The following ALDH5A1 variants were observed in gnomAD, a reference collection of about 807,000 sequenced individuals.
ALDH5A1 encodes the protein succinate-semialdehyde dehydrogenase, mitochondrial.
ALDH5A1 carries 33 observed loss-of-function variants against 54.7 expected under a neutral mutation model. The observed-to-expected ratio is 0.60, with a 90% CI of 0.46 to 0.81. The LOEUF is 0.81. ALDH5A1 is among the 30% of genes least tolerant of loss of function. ALDH5A1 has a pLI of 0.00. For missense variants in ALDH5A1, 657 were observed against 711.0 expected (o/e 0.92, Z 0.86); for synonymous variants, 294 against 292.7 (o/e 1.00, Z -0.05).
chr6:24,503,486 G>A, intron 3 of ALDH5A1, 53 bp downstream of exon 3: 3 of 1,592,702 alleles, frequency 1.9e-6, no homozygotes, highest in Non-Finnish European at 2.6e-6. Flanking sequence ...TAGGGAGTTG[G>A]GAAACAATTC....
chr6:24,517,286 G>T (rs551192012), intron 5 of ALDH5A1, among the ~76,000 whole-genome samples: 1 of 152,322 alleles, frequency 6.6e-6, no homozygotes, highest in African/African-American at 2.4e-5. Context: ...GATTATAGGT[G>T]TGAGCCAGCG....
rs70974913 is a variant in ALDH5A1 at position 24,506,243 on chromosome 6, C to CTTTTT, written c.726+1284_726+1288dup. Among the ~76,000 whole-genome samples the CTTTTT allele has an allele frequency of 5.0e-4, 26 of 52,162 alleles. 5 individuals are homozygous for CTTTTT. Among genetic ancestry groups the CTTTTT allele is most frequent in the South Asian group, 3.2e-3 (3 of 924 alleles). The allele number at this position is 52,162 out of a possible 152,430, so 34.2% of individuals were successfully genotyped here. A position where few individuals can be genotyped will look rare whatever the true frequency, so the allele number is the denominator to read the frequency against. On this transcript the variant is annotated intron_variant, in intron 4 of 9. Transcript: ENST00000357578. ...TCTGCACCTCCTTCTTTCCTGGTTCCTTTTTTTTTTTTTTTTTTTTTTTTT... is the reference window on the plus strand; with the variant it reads ...TCTGCACCTCCTTCTTTCCTGGTTCCTTTTTTTTTTTTTTTTTTTTTTTTTTTTTT...
rs576225173 is a variant in ALDH5A1, at chr6:24,502,605, G to C, written c.437G>C (p.Ser146Thr). The C allele has an allele frequency of 6.2e-7, 1 of 1,611,842 alleles. No homozygotes were observed. Among genetic ancestry groups the C allele is most frequent in the Non-Finnish European group, 8.5e-7 (1 of 1,177,998 alleles). ...DDLARIITAE[S>T]GKPLKEAHGE... is the part of the protein sequence containing the mutation. ...CTTGCCAGAATAATCACAGCTGAAA[G>C]TGTAAGTTCAGGGTTCTGGCTTGGT... Residue 146 changes from serine to threonine, a missense_variant and splice_region_variant, in exon 2 of 10, where the codon AGT becomes ACT. Ser to Thr is a moderately conservative substitution (Grantham distance 58, BLOSUM62 1). This residue lies in a region of ALDH5A1 where 425 missense variants were observed against 516.4 expected (regional missense o/e 0.82). Transcript: ENST00000357578.
At chr6:24,512,913 C>A (rs1759484859) in intron 4 of ALDH5A1, among the ~76,000 whole-genome samples, 1 of 152,100 alleles carries the variant, frequency 6.6e-6, no homozygotes, top group African/African-American at 2.4e-5. Context: ...TGGTCTGGAA[C>A]TCCTCACCTC....
At chr6:24,497,821 G>T (rs1764744164) in intron 1 of ALDH5A1, among the ~76,000 whole-genome samples, 1 of 152,172 alleles carries the variant, frequency 6.6e-6, no homozygotes, top group South Asian at 2.1e-4. Flanking sequence ...TAAAGAGGGG[G>T]CTGTGTCAGG....
chr6:24,502,976 C>T lies in ALDH5A1; in HGVS notation c.439-287C>T, dbSNP rs60623462. On this transcript the variant is annotated intron_variant, in intron 2 of 9. Coordinates refer to ENST00000357578, the MANE Select transcript of ALDH5A1 (RefSeq NM_001080.3). ...CTTCCATAGATATAATAAATTATTTCATATCGTGGTTACAATACTTAGAAG... is the reference window on the plus strand; with the variant it reads ...CTTCCATAGATATAATAAATTATTTTATATCGTGGTTACAATACTTAGAAG... Among the ~76,000 whole-genome samples the T allele has an allele frequency of 8.7e-3, 1,321 of 151,066 alleles. 18 individuals are homozygous for T. Among genetic ancestry groups the T allele is most frequent in the African/African-American group, 0.03 (1,233 of 41,102 alleles).
intron 2 of ALDH5A1, 40 bp downstream of exon 2, chr6:24,502,646 C>T (rs1309140774): frequency 1.3e-6 from 2 of 1,530,390 alleles, no homozygotes; most frequent in Non-Finnish European, 1.8e-6. Context: ...GAGAAATTCT[C>T]CAGGAATTTT....
intron 7 of ALDH5A1, among the ~76,000 whole-genome samples, chr6:24,526,627 C>CA (rs975410556): frequency 8.2e-4 from 121 of 146,946 alleles, no homozygotes; most frequent in Middle Eastern, 3.5e-3. Flanking sequence ...AATAGAAATG[C>CA]AAAAAAAAAT....
Position 24,534,001 on chromosome 6 carries a change from C to T in ALDH5A1, c.*289C>T. ...AGCCCCAGCTGCCTCAGAGCAGGCA[C>T]AGCACAAGGCAGGCCCAGCCCCATG... On this transcript the variant is annotated 3_prime_UTR_variant, in exon 10 of 10. Coordinates refer to ENST00000357578, the MANE Select transcript of ALDH5A1 (RefSeq NM_001080.3). The T allele has an allele frequency of 5.1e-6, 2 of 390,202 alleles. No homozygotes were observed. The highest frequency in any genetic ancestry group is 9.7e-6 in the Non-Finnish European group (2 of 206,732). The allele number at this position is 390,202 out of a possible 1,614,324, so 24.2% of individuals were successfully genotyped here.
At chr6:24,523,822 A>G (rs1759749643) in intron 7 of ALDH5A1, among the ~76,000 whole-genome samples, 1 of 152,134 alleles carries the variant, frequency 6.6e-6, no homozygotes, top group Admixed American at 6.5e-5. Context: ...ATTTAGAGAT[A>G]TTGAGGGGAA....
In ALDH5A1 at chr6:24,502,541, C is replaced by T. The variant is rs201082048; in HGVS notation, c.373C>T (p.Arg125Trp). ...VSAKERSSLL[R>W]KWYNLMIQNK... ...TTTGCAGGAGAGGAGTTCATTACTT[C>T]GGAAGTGGTACAATTTAATGATACA... The change falls in exon 2 of 10, where the codon CGG (arginine) becomes TGG (tryptophan). Residue 125 changes from arginine (R) to tryptophan (W), a missense_variant. Physicochemically the swap from Arg to Trp is moderately radical, Grantham distance 101. Coordinates refer to ENST00000357578, the MANE Select transcript of ALDH5A1 (RefSeq NM_001080.3). 13 of 1,612,554 alleles carry T rather than the reference C, an allele frequency of 8.1e-6. No homozygotes were observed. The highest frequency in any genetic ancestry group is 2.2e-5 in the South Asian group (2 of 91,052).
rs745791514 is a variant in ALDH5A1 at position 24,532,132 on chromosome 6, G to C, written c.1357G>C (p.Glu453Gln). 6.8e-6 allele frequency: 11 copies of C among 1,614,182 alleles called. No individual in the cohort carries two copies. The highest frequency in any genetic ancestry group is 8.5e-6 in the Non-Finnish European group (10 of 1,180,012). ...TAACTTTGGCAGGTTCGATACAGAG[G>C]AGGAGGCTATAGCAATCGCTAACGC... ...LAPVIKFDTEEEAIAIANAAD... is the reference protein window; with the variant it reads ...LAPVIKFDTEQEAIAIANAAD... The change falls in exon 9 of 10, where the codon GAG becomes CAG. Residue 453 changes from glutamate to glutamine, a missense_variant. Glu to Gln is a conservative substitution (Grantham distance 29, BLOSUM62 2). Coordinates refer to ENST00000357578, the MANE Select transcript of ALDH5A1 (RefSeq NM_001080.3).
intron 8 of ALDH5A1, among the ~76,000 whole-genome samples, chr6:24,530,706 G>A (rs2267539): frequency 0.28 from 43,169 of 152,190 alleles, 7,986 homozygotes; most frequent in African/African-American, 0.53. Context: ...AATAGGTTGG[G>A]GAGAAGAGGC....
intron 1 of ALDH5A1, among the ~76,000 whole-genome samples, chr6:24,495,664 T>C (rs1764687798): frequency 6.6e-6 from 1 of 150,814 alleles, no homozygotes; most frequent in Non-Finnish European, 1.5e-5. Flanking sequence ...AGCCTAACCG[T>C]GGAGGGGCGG....
At chr6:24,525,532 TAA>T (rs61178893) in intron 7 of ALDH5A1, among the ~76,000 whole-genome samples, 24 of 124,618 alleles carry the variant, frequency 1.9e-4, no homozygotes, top group Admixed American at 2.5e-4. Context: ...ACCCTATCTC[TAA>T]AAAAAAAAAA....
At chr6:24,501,927 A>ATG (rs200086687) in intron 1 of ALDH5A1, among the ~76,000 whole-genome samples, 15,550 of 147,714 alleles carry the variant, frequency 0.11, 1,030 homozygotes, top group African/African-American at 0.19. Context: ...GTATATATAT[A>ATG]TGTGTGTGTG....
At position 24,514,270 on chromosome 6, in the gene ALDH5A1, C is replaced by T. The variant is rs895744877; in HGVS notation, c.727-897C>T. On this transcript the variant is annotated intron_variant, in intron 4 of 9. Coordinates refer to ENST00000357578, the MANE Select transcript of ALDH5A1 (RefSeq NM_001080.3). Reference sequence around the variant, plus strand: ...AAATCACCTATGGAAAGGCTTTGCACTGCTGCCCTGCACCTAGTAGGTGCT... The same window carrying T: ...AAATCACCTATGGAAAGGCTTTGCATTGCTGCCCTGCACCTAGTAGGTGCT... Among the ~76,000 whole-genome samples, 4 of 152,324 alleles carry T rather than the reference C, an allele frequency of 2.6e-5. No individual in the cohort carries two copies. The South Asian group carries it at 6.2e-4, about 24-fold the overall frequency.
chr6:24,495,412 G>A (rs1001559395), intron 1 of ALDH5A1, 62 bp downstream of exon 1: 1 of 1,477,648 alleles, frequency 6.8e-7, no homozygotes, highest in South Asian at 1.2e-5. Context: ...AGCAGAGGGG[G>A]CTTTACCCCA....
chr6:24,534,932 A>T lies in ALDH5A1; in HGVS notation c.*1220A>T, dbSNP rs1760014938. The T allele has an allele frequency of 6.6e-6, 1 of 152,192 alleles. No homozygotes were observed. 9.4% of individuals were successfully genotyped at this position (152,192 alleles called of 1,614,324 possible). ...AGGCATGAGCCCTTGAATTTCAGGCACCTTTTATCTAATGAGAGTTTTTAC... is the reference window on the plus strand; with the variant it reads ...AGGCATGAGCCCTTGAATTTCAGGCTCCTTTTATCTAATGAGAGTTTTTAC... On this transcript the variant is annotated 3_prime_UTR_variant, in exon 10 of 10. Transcript: ENST00000357578.
Sources: gnomAD v4.1 joint callset for allele counts (sites outside exome capture counted in the v4.1 genomes callset) on GRCh38, gnomAD v4.1.1 for gene constraint, gnomAD v4.1.1 regional missense constraint, MANE v1.5 for transcripts, NCBI Gene and HGNC (gene_info 2026-07-23, HGNC 2026-07-21) for gene names.